Variants in TRPC4 observed in about 807,000 individuals in gnomAD.
TRPC4 encodes the protein transient receptor potential cation channel subfamily C member 4.
Under a neutral mutation model 99.4 loss-of-function variants are expected in TRPC4, and 49 were observed. The observed-to-expected ratio is 0.49, with a 90% CI of 0.39 to 0.63. TRPC4 has a LOEUF of 0.63. Among genes scored for constraint, TRPC4 ranks in the 20% least tolerant of loss-of-function variants. The probability of loss-of-function intolerance (pLI) is 0.00; values close to 1 mark genes in which losing one functional copy is unlikely to be tolerated. For synonymous variants in TRPC4, 454 were observed against 425.9 expected (o/e 1.07, Z -0.81); for missense variants, 898 against 1,152.9 (o/e 0.78, Z 3.20).
intron 1 of TRPC4, among the ~76,000 whole-genome samples, chr13:37,819,227 G>A (rs1311119025): frequency 1.3e-5 from 2 of 152,054 alleles, no homozygotes; most frequent in Non-Finnish European, 2.9e-5. Flanking sequence ...TATACTGTTG[G>A]TTGGAGTGCA....
At chr13:37,856,201 T>C (rs1185569702) in intron 1 of TRPC4, among the ~76,000 whole-genome samples, 1 of 151,574 alleles carries the variant, frequency 6.6e-6, no homozygotes, top group African/African-American at 2.4e-5. Flanking sequence ...CAATTGATAT[T>C]GCAGAAATCC....
At chr13:37,689,786 T>G (rs1953619203) in intron 4 of TRPC4, among the ~76,000 whole-genome samples, 4 of 152,358 alleles carry the variant, frequency 2.6e-5, no homozygotes, top group South Asian at 4.1e-4. Flanking sequence ...TTGGACCTCC[T>G]ATTTTTTAAA....
chr13:37,787,405 G>T (rs1956999181), intron 1 of TRPC4, among the ~76,000 whole-genome samples: 1 of 151,990 alleles, frequency 6.6e-6, no homozygotes, highest in African/African-American at 2.4e-5. Context: ...AATCCGATTA[G>T]AATTTTTTCT....
intron 1 of TRPC4, among the ~76,000 whole-genome samples, chr13:37,852,673 A>G (rs1234334311): frequency 1.3e-5 from 2 of 152,186 alleles, no homozygotes; most frequent in African/African-American, 4.8e-5. Flanking sequence ...GGGGTCCCTG[A>G]GTCCAGGCCC....
At chr13:37,849,418 C>T (rs1458372854) in intron 1 of TRPC4, among the ~76,000 whole-genome samples, 1 of 152,062 alleles carries the variant, frequency 6.6e-6, no homozygotes, top group Non-Finnish European at 1.5e-5. Flanking sequence ...AACTCCTTCC[C>T]ATGGTGGTAG....
intron 1 of TRPC4, among the ~76,000 whole-genome samples, chr13:37,832,949 G>A (rs1323649563): frequency 6.6e-6 from 1 of 152,006 alleles, no homozygotes; most frequent in Non-Finnish European, 1.5e-5. Context: ...ATCCTACTAT[G>A]TCTATTACTT....
At chr13:37,819,699 T>C (rs1025956421) in intron 1 of TRPC4, among the ~76,000 whole-genome samples, 1 of 151,438 alleles carries the variant, frequency 6.6e-6, no homozygotes, top group Admixed American at 6.6e-5. Context: ...AGGGAGAGGA[T>C]CAGGAAAACA....
At chr13:37,734,279 G>A (rs1003771357) in intron 3 of TRPC4, among the ~76,000 whole-genome samples, 13 of 152,102 alleles carry the variant, frequency 8.5e-5, no homozygotes, top group Non-Finnish European at 1.3e-4. Context: ...CAATAAGGTG[G>A]CTCTTGGAAA....
At chr13:37,674,121 A>C in intron 5 of TRPC4, 107 bp downstream of exon 5, 421 of 914,908 alleles carry the variant, frequency 4.6e-4, no homozygotes, top group Non-Finnish European at 5.7e-4. Flanking sequence ...TGAATACGAC[A>C]TCCGGAAAAA....
intron 2 of TRPC4, among the ~76,000 whole-genome samples, chr13:37,763,529 C>T (rs1356127619): frequency 6.6e-6 from 1 of 151,556 alleles, no homozygotes; most frequent in Non-Finnish European, 1.5e-5. Context: ...GATTGCTGGG[C>T]ACCACTGAGC....
chr13:37,841,450 G>A (rs116946724), intron 1 of TRPC4, among the ~76,000 whole-genome samples: 2,324 of 151,338 alleles, frequency 0.015, 35 homozygotes, highest in Non-Finnish European at 0.021. Context: ...TTCTAGTTAA[G>A]AGGATGAAAT....
chr13:37,653,689 C>T (rs1351642064), intron 7 of TRPC4, among the ~76,000 whole-genome samples: 1 of 152,038 alleles, frequency 6.6e-6, no homozygotes, highest in Non-Finnish European at 1.5e-5. Context: ...TAGAAAAGCA[C>T]ACCTCACAAA....
intron 3 of TRPC4, among the ~76,000 whole-genome samples, chr13:37,714,813 CCTT>C (rs1483712718): frequency 2.6e-5 from 4 of 151,962 alleles, no homozygotes; most frequent in Non-Finnish European, 4.4e-5. Flanking sequence ...CTCCATATAT[CCTT>C]CTTCATAATG....
chr13:37,661,409 G>C (rs1303670231), intron 6 of TRPC4, among the ~76,000 whole-genome samples: 2 of 152,214 alleles, frequency 1.3e-5, no homozygotes, highest in Non-Finnish European at 2.9e-5. Flanking sequence ...ATTGATTGCA[G>C]AGGAATCAGA....
At chr13:37,765,161 A>G (rs865991241) in intron 2 of TRPC4, among the ~76,000 whole-genome samples, 12 of 151,330 alleles carry the variant, frequency 7.9e-5, no homozygotes, top group Non-Finnish European at 1.2e-4. Flanking sequence ...GTGGAGTTTT[A>G]CTATAAAGAT....
intron 1 of TRPC4, among the ~76,000 whole-genome samples, chr13:37,787,134 AG>A (rs139332623): frequency 0.025 from 3,808 of 152,132 alleles, 68 homozygotes; most frequent in South Asian, 0.031. Flanking sequence ...AGGAACACAA[AG>A]GAAAGGAATA....
intron 8 of TRPC4, among the ~76,000 whole-genome samples, chr13:37,650,771 A>T (rs1466971985): frequency 1.3e-5 from 2 of 152,126 alleles, no homozygotes; most frequent in Non-Finnish European, 2.9e-5. Context: ...ATATTCAGTC[A>T]ATCATTTAAT....
chr13:37,690,047 C>T (rs1953630221), intron 4 of TRPC4, among the ~76,000 whole-genome samples: 1 of 152,126 alleles, frequency 6.6e-6, no homozygotes, highest in South Asian at 2.1e-4. Context: ...ATGAAATGTT[C>T]TGCGTTTGGG....
rs1189899687 is a variant in TRPC4 at position 37,816,450 on chromosome 13, A to G, written c.-27-33090T>C. ...CAGGATATACATTCTTCTCATCGTG[A>G]CATGGCACATATGCTGCCATTTCTG... On this transcript the variant is annotated intron_variant, in intron 1 of 10. Coordinates refer to ENST00000379705, the MANE Select transcript of TRPC4 (RefSeq NM_016179.4). Among the ~76,000 whole-genome samples the G allele has an allele frequency of 3.9e-5, 6 of 151,990 alleles. No individual in the cohort carries two copies. The Admixed American group carries it at 3.9e-4, about 10-fold the overall frequency.
Sources: allele counts gnomAD v4.1 joint callset (sites outside exome capture counted in the v4.1 genomes callset), GRCh38; gene constraint gnomAD v4.1.1; transcripts MANE v1.5; gene names NCBI Gene and HGNC (gene_info 2026-07-23, HGNC 2026-07-21).